Variants in BMPER observed in about 807,000 individuals in gnomAD.
BMPER encodes BMP-binding endothelial regulator protein.
BMPER carries 45 observed loss-of-function variants against 87.3 expected under a neutral mutation model. The ratio of observed to expected loss-of-function variants is 0.52; its 90% CI spans 0.41 to 0.66. The LOEUF (loss-of-function observed/expected upper bound fraction) is 0.66, where lower values mean the gene tolerates loss of function less well. Ranked by LOEUF, BMPER falls within the 30% of genes least tolerant of loss-of-function variation. BMPER has a pLI of 0.00. For synonymous variants in BMPER, 326 were observed against 316.2 expected, an observed-to-expected ratio of 1.03 and a Z score of -0.33; for missense variants, 784 against 867.5, an observed-to-expected ratio of 0.90 and a Z score of 1.21.
At chr7:33,970,177 C>T in intron 4 of BMPER, 152 bp from the exon 5 acceptor site, 1 of 727,006 alleles carries the variant, frequency 1.4e-6, no homozygotes, top group Non-Finnish European at 2.5e-6. Flanking sequence ...GCCTGGATCT[C>T]ACCTCGTTGG....
At chr7:34,073,382 A>G (rs1252503130) in intron 11 of BMPER, among the ~76,000 whole-genome samples, 1 of 152,234 alleles carries the variant, frequency 6.6e-6, no homozygotes, top group Non-Finnish European at 1.5e-5. Context: ...TACAGTACAA[A>G]TACTGTAGGC....
intron 13 of BMPER, among the ~76,000 whole-genome samples, chr7:34,134,837 G>C (rs895338531): frequency 6.6e-6 from 1 of 152,102 alleles, no homozygotes; most frequent in African/African-American, 2.4e-5. Context: ...TGTTAAAAGC[G>C]TACCTCTACT....
chr7:34,007,600 G>T (rs576788095), intron 6 of BMPER, among the ~76,000 whole-genome samples: 1 of 152,026 alleles, frequency 6.6e-6, no homozygotes, highest in African/African-American at 2.4e-5. Context: ...CATCTTGGAT[G>T]TTGTTCCAAA....
chr7:33,911,344 C>G (rs1387957480), intron 2 of BMPER, among the ~76,000 whole-genome samples: 1 of 152,226 alleles, frequency 6.6e-6, no homozygotes, highest in Admixed American at 6.5e-5. Flanking sequence ...CACACAGTTA[C>G]TAAGAGACAG....
intron 6 of BMPER, among the ~76,000 whole-genome samples, chr7:34,002,519 T>C (rs1786608301): frequency 6.6e-6 from 1 of 151,840 alleles, no homozygotes; most frequent in Non-Finnish European, 1.5e-5. Flanking sequence ...TTGAGAAGCA[T>C]CTTTGTATCT....
In BMPER at chr7:34,088,656, A is replaced by G. The variant is rs531794590; in HGVS notation, c.1745+2564A>G. On this transcript the variant is annotated intron_variant, in intron 13 of 14. Transcript: ENST00000649409. ...TTTATCGAAAGAACTGATACACAGT[A>G]ACTACCTGGCAGGATTGCTCCTCTG... Among the ~76,000 whole-genome samples the G allele has an allele frequency of 3.9e-5, 6 of 152,314 alleles. No individual in the cohort carries two copies. In the South Asian group the frequency reaches 1.2e-3, roughly 32 times the overall value.
At chr7:34,144,759 G>A (rs73690174) in intron 14 of BMPER, among the ~76,000 whole-genome samples, 15,277 of 152,112 alleles carry the variant, frequency 0.1, 2,062 homozygotes, top group African/African-American at 0.32. Context: ...GTTGTCACCT[G>A]GTTCAAGGAT....
chr7:34,148,250 A>G (rs1791080429), intron 14 of BMPER, among the ~76,000 whole-genome samples: 1 of 152,086 alleles, frequency 6.6e-6, no homozygotes. Flanking sequence ...ATGACAATCA[A>G]GTTTGCTCAC....
rs969250074 is a variant in BMPER at position 34,008,744 on chromosome 7, A to G, written c.576+33960A>G. Among the ~76,000 whole-genome samples the G allele has an allele frequency of 4.6e-5, 7 of 152,080 alleles. No individual in the cohort carries two copies. In the East Asian group the frequency reaches 5.8e-4, roughly 13 times the overall value. On this transcript the variant is annotated intron_variant, in intron 6 of 14. Coordinates refer to ENST00000649409, the MANE Select transcript of BMPER (RefSeq NM_001365308.1). ...AATGGCAATGTCCCAATGTTTCTCTATCATGCACGGGACTGGCTTGGAGTT... is the reference window on the plus strand; with the variant it reads ...AATGGCAATGTCCCAATGTTTCTCTGTCATGCACGGGACTGGCTTGGAGTT...
intron 3 of BMPER, chr7:33,937,683 C>T (rs1784640645): frequency 2.4e-6 from 1 of 420,168 alleles, no homozygotes; most frequent in South Asian, 2.1e-5. Context: ...AGTCAACCAC[C>T]ATGCCTCTGC....
intron 11 of BMPER, among the ~76,000 whole-genome samples, chr7:34,075,337 A>G (rs1788836174): frequency 6.6e-6 from 1 of 152,218 alleles, no homozygotes; most frequent in East Asian, 1.9e-4. Context: ...TGTAAGTGTA[A>G]ATAATAGTGC....
At chr7:34,085,672 T>G (rs1350711280) in intron 12 of BMPER, 84 bp from the exon 13 acceptor site, 1 of 1,273,574 alleles carries the variant, frequency 7.9e-7, no homozygotes, top group Non-Finnish European at 1.1e-6. Flanking sequence ...GTCAGTCATA[T>G]GTTCTGTGTA....
intron 11 of BMPER, among the ~76,000 whole-genome samples, chr7:34,066,690 C>T (rs1788602239): frequency 6.6e-6 from 1 of 152,136 alleles, no homozygotes; most frequent in African/African-American, 2.4e-5. Flanking sequence ...GAATCTTGAC[C>T]TAACCACCCA....
chr7:34,136,428 G>C (rs953579986), intron 13 of BMPER, among the ~76,000 whole-genome samples: 2 of 152,188 alleles, frequency 1.3e-5, no homozygotes, highest in Non-Finnish European at 2.9e-5. Flanking sequence ...ACTACCTTTA[G>C]TTGTCTCCAT....
chr7:34,108,157 C>G (rs1229915342), intron 13 of BMPER, among the ~76,000 whole-genome samples: 4 of 152,166 alleles, frequency 2.6e-5, no homozygotes, highest in Admixed American at 2.6e-4. Flanking sequence ...TGCATTGATT[C>G]CATAAGTCCA....
intron 2 of BMPER, chr7:33,921,696 G>A (rs954642832): frequency 3.2e-5 from 15 of 469,830 alleles, no homozygotes; most frequent in African/African-American, 6.0e-5. Flanking sequence ...ACAGGGATAC[G>A]CTCTGTTTCC....
At chr7:34,097,192 G>A (rs1339528287) in intron 13 of BMPER, among the ~76,000 whole-genome samples, 1 of 152,232 alleles carries the variant, frequency 6.6e-6, no homozygotes, top group Non-Finnish European at 1.5e-5. Flanking sequence ...AAGAGGAGCA[G>A]GAGGCTGGGG....
chr7:33,968,282 A>G (rs566244124), intron 4 of BMPER, among the ~76,000 whole-genome samples: 2 of 152,242 alleles, frequency 1.3e-5, no homozygotes, highest in East Asian at 3.9e-4. Context: ...CAGAAAAGCA[A>G]CCTGCGGTGA....
At chr7:33,915,646 T>C (rs1208896908) in intron 2 of BMPER, among the ~76,000 whole-genome samples, 1 of 152,190 alleles carries the variant, frequency 6.6e-6, no homozygotes, top group African/African-American at 2.4e-5. Flanking sequence ...GTATATGCCC[T>C]TCATCCGACT....
Sources: gnomAD v4.1 joint callset for allele counts (sites outside exome capture counted in the v4.1 genomes callset) on GRCh38, gnomAD v4.1.1 for gene constraint, MANE v1.5 for transcripts, NCBI Gene and HGNC (gene_info 2026-07-23, HGNC 2026-07-21) for gene names.